Variants in NXPH2 observed in about 807,000 individuals in gnomAD.
The protein encoded by NXPH2 is neurexophilin-2.
Under a neutral mutation model 19.8 loss-of-function variants are expected in NXPH2, and 5 were observed. The observed-to-expected ratio is 0.25, with a 90% CI of 0.13 to 0.53. The LOEUF (loss-of-function observed/expected upper bound fraction) is 0.53, where lower values mean the gene tolerates loss of function less well. Ranked by LOEUF, NXPH2 falls within the 20% of genes least tolerant of loss-of-function variation. The pLI is 0.96. For missense variants in NXPH2, 289 were observed against 322.8 expected, an observed-to-expected ratio of 0.90 and a Z score of 0.80; for synonymous variants, 154 against 127.4, an observed-to-expected ratio of 1.21 and a Z score of -1.41.
chr2:138,686,398 G>A (rs535241776), intron 1 of NXPH2, among the ~76,000 whole-genome samples: 1 of 152,154 alleles, frequency 6.6e-6, no homozygotes, highest in African/African-American at 2.4e-5. Context: ...ATCATTTCAT[G>A]TTAAGCTCCA....
intron 1 of NXPH2, among the ~76,000 whole-genome samples, chr2:138,717,373 C>A (rs1558920919): frequency 6.6e-6 from 1 of 151,720 alleles, no homozygotes; most frequent in East Asian, 1.9e-4. Context: ...TACCATAAAC[C>A]AGGTAACTTA....
intron 1 of NXPH2, among the ~76,000 whole-genome samples, chr2:138,778,796 T>C (rs72973286): frequency 0.017 from 2,615 of 152,324 alleles, 78 homozygotes; most frequent in African/African-American, 0.059. Context: ...ATGCCTAAGA[T>C]GTAAAATGTA....
chr2:138,715,552 C>A (rs1681184806), intron 1 of NXPH2, among the ~76,000 whole-genome samples: 1 of 152,190 alleles, frequency 6.6e-6, no homozygotes, highest in Non-Finnish European at 1.5e-5. Flanking sequence ...GCTTTCTCCT[C>A]TGAATTGGAG....
intron 1 of NXPH2, among the ~76,000 whole-genome samples, chr2:138,701,098 T>A (rs1680915375): frequency 6.6e-6 from 1 of 152,134 alleles, no homozygotes; most frequent in Non-Finnish European, 1.5e-5. Flanking sequence ...ATAGGAAGCA[T>A]GCCAGGTAAC....
intron 1 of NXPH2, among the ~76,000 whole-genome samples, chr2:138,694,990 A>G (rs1353086199): frequency 6.6e-6 from 1 of 152,194 alleles, no homozygotes; most frequent in Non-Finnish European, 1.5e-5. Flanking sequence ...TGAATACGGT[A>G]GGCAATTGTA....
intron 1 of NXPH2, among the ~76,000 whole-genome samples, chr2:138,681,468 A>G (rs1680578673): frequency 1.3e-5 from 2 of 152,238 alleles, no homozygotes; most frequent in Non-Finnish European, 2.9e-5. Flanking sequence ...AGCACTTGCT[A>G]TAACATATAT....
intron 1 of NXPH2, among the ~76,000 whole-genome samples, chr2:138,773,293 C>G (rs555116958): frequency 6.6e-6 from 1 of 152,326 alleles, no homozygotes; most frequent in East Asian, 1.9e-4. Context: ...AAAACTTCAT[C>G]TTTTTTTCCA....
intron 1 of NXPH2, among the ~76,000 whole-genome samples, chr2:138,694,311 G>A (rs554681514): frequency 8.5e-5 from 13 of 152,134 alleles, no homozygotes; most frequent in African/African-American, 2.9e-4. Context: ...TCCTAACCCC[G>A]GGTACCTGTG....
chr2:138,678,026 CTT>C (rs1222156888), intron 1 of NXPH2, among the ~76,000 whole-genome samples: 1 of 152,124 alleles, frequency 6.6e-6, no homozygotes, highest in East Asian at 1.9e-4. Context: ...TCTTTAATGT[CTT>C]TTATTTGCTC....
At chr2:138,742,465 G>A (rs1246907346) in intron 1 of NXPH2, among the ~76,000 whole-genome samples, 2 of 152,270 alleles carry the variant, frequency 1.3e-5, no homozygotes, top group South Asian at 4.1e-4. Flanking sequence ...TTATGGGAAC[G>A]TATCAGAATG....
chr2:138,724,053 C>T (rs1426462153), intron 1 of NXPH2, among the ~76,000 whole-genome samples: 1 of 151,616 alleles, frequency 6.6e-6, no homozygotes, highest in Non-Finnish European at 1.5e-5. Flanking sequence ...TTAAGCCTAG[C>T]ATCCATTAGT....
intron 1 of NXPH2, among the ~76,000 whole-genome samples, chr2:138,769,244 G>A (rs1682136826): frequency 6.6e-6 from 1 of 152,192 alleles, no homozygotes; most frequent in Non-Finnish European, 1.5e-5. Context: ...TGACATGGCT[G>A]GGGATGGAGA....
At chr2:138,681,642 G>T (rs988154338) in intron 1 of NXPH2, among the ~76,000 whole-genome samples, 2 of 152,202 alleles carry the variant, frequency 1.3e-5, no homozygotes, top group East Asian at 3.8e-4. Flanking sequence ...GTGTGGATTT[G>T]CAGCAAGCCG....
At chr2:138,673,640 T>C (rs1304765407) in intron 1 of NXPH2, among the ~76,000 whole-genome samples, 2 of 151,282 alleles carry the variant, frequency 1.3e-5, no homozygotes, top group Non-Finnish European at 2.9e-5. Flanking sequence ...AAAAATGGGA[T>C]TAATTTTTTT....
At chr2:138,679,444 A>C (rs1405832808) in intron 1 of NXPH2, among the ~76,000 whole-genome samples, 1 of 146,340 alleles carries the variant, frequency 6.8e-6, no homozygotes, top group Non-Finnish European at 1.5e-5. Flanking sequence ...TCGGTTGCTC[A>C]GGCTGGAGTG....
At chr2:138,724,077 C>T (rs1024955412) in intron 1 of NXPH2, among the ~76,000 whole-genome samples, 1 of 151,956 alleles carries the variant, frequency 6.6e-6, no homozygotes, top group African/African-American at 2.4e-5. Flanking sequence ...TTTTCCTGAT[C>T]CTCTTCCTCC....
chr2:138,743,449 C>A (rs1681675868), intron 1 of NXPH2, among the ~76,000 whole-genome samples: 2 of 152,084 alleles, frequency 1.3e-5, no homozygotes, highest in Non-Finnish European at 2.9e-5. Flanking sequence ...TTGTATGATT[C>A]CATTTACATG....
At chr2:138,717,296 C>T (rs938230417) in intron 1 of NXPH2, among the ~76,000 whole-genome samples, 4 of 152,002 alleles carry the variant, frequency 2.6e-5, no homozygotes, top group African/African-American at 7.2e-5. Context: ...ACCTGGAGAA[C>T]GTTTAACAGT....
At chr2:138,769,232 G>C (rs1682136653) in intron 1 of NXPH2, among the ~76,000 whole-genome samples, 1 of 152,216 alleles carries the variant, frequency 6.6e-6, no homozygotes, top group Non-Finnish European at 1.5e-5. Flanking sequence ...CTGTGATAGT[G>C]ATGACATGGC....
Sources: allele counts gnomAD v4.1 joint callset (sites outside exome capture counted in the v4.1 genomes callset), GRCh38; gene constraint gnomAD v4.1.1; transcripts MANE v1.5; gene names NCBI Gene and HGNC (gene_info 2026-07-23, HGNC 2026-07-21).